The following PTPN12 variants were observed in gnomAD, a reference collection of about 807,000 sequenced individuals.
PTPN12 encodes the protein tyrosine-protein phosphatase non-receptor type 12.
PTPN12 carries 29 observed loss-of-function variants against 97.6 expected under a neutral mutation model. That is an observed-to-expected ratio of 0.30 (90% CI 0.22 to 0.41). The LOEUF is 0.41. PTPN12 is among the 10% of genes least tolerant of loss of function. The probability of loss-of-function intolerance (pLI) is 1.00; values close to 1 mark genes in which losing one functional copy is unlikely to be tolerated. For missense variants in PTPN12, 819 were observed against 926.0 expected, an observed-to-expected ratio of 0.88 and a Z score of 1.50; for synonymous variants, 327 against 300.4, an observed-to-expected ratio of 1.09 and a Z score of -0.91.
chr7:77,625,542 GCTCTCTCTCTCGCTCT>G (rs1789138785), intron 12 of PTPN12, among the ~76,000 whole-genome samples: 1 of 54,312 alleles, frequency 1.8e-5, no homozygotes, highest in Non-Finnish European at 3.3e-5. Context: ...TCTCACTCGC[GCTCTCTCTCTCGCTCT>G]CTCTCTCTTT....
chr7:77,586,727 C>T (rs967531870), intron 5 of PTPN12, among the ~76,000 whole-genome samples: 2 of 152,218 alleles, frequency 1.3e-5, no homozygotes, highest in African/African-American at 2.4e-5. Flanking sequence ...AAATTGGAGT[C>T]AGTCCTTTCA....
chr7:77,614,442 A>T (rs1413146130), intron 11 of PTPN12, among the ~76,000 whole-genome samples: 1 of 152,206 alleles, frequency 6.6e-6, no homozygotes, highest in Non-Finnish European at 1.5e-5. Flanking sequence ...AGGAGATGAG[A>T]TGAAATAATA....
At chr7:77,563,538 G>A (rs563898854) in intron 1 of PTPN12, among the ~76,000 whole-genome samples, 1 of 152,228 alleles carries the variant, frequency 6.6e-6, no homozygotes, top group East Asian at 1.9e-4. Flanking sequence ...TTTCTGTATT[G>A]GGCTAGTAAA....
intron 1 of PTPN12, among the ~76,000 whole-genome samples, chr7:77,556,317 C>T (rs1807710296): frequency 6.6e-6 from 1 of 152,114 alleles, no homozygotes; most frequent in Non-Finnish European, 1.5e-5. Flanking sequence ...CCTACCTCTG[C>T]CTCCCAAAGT....
At chr7:77,626,582 C>T (rs551586087) in intron 12 of PTPN12, 123 bp from the exon 13 acceptor site, 1 of 992,110 alleles carries the variant, frequency 1.0e-6, no homozygotes, top group African/African-American at 1.6e-5. Flanking sequence ...GTCTGAAAAA[C>T]TGCAGTTTTT....
intron 10 of PTPN12, 46 bp downstream of exon 10, chr7:77,610,888 TTTC>T (rs770081224): frequency 2.8e-5 from 45 of 1,582,372 alleles, no homozygotes; most frequent in African/African-American, 2.2e-4. Flanking sequence ...TTATAAATGC[TTTC>T]TTCTTTTTTA....
rs1474200394 is a variant in PTPN12, at chr7:77,594,375, A to G, written c.492+2119A>G. Among the ~76,000 whole-genome samples, 4 of 152,164 alleles carry G rather than the reference A, an allele frequency of 2.6e-5. No individual in the cohort carries two copies. The East Asian group carries it at 7.7e-4, about 29-fold the overall frequency. On this transcript the variant is annotated intron_variant, in intron 6 of 17. Coordinates refer to ENST00000248594, the MANE Select transcript of PTPN12 (RefSeq NM_002835.4). ...ATACCCAATACACACCACACTGTCT[A>G]CTTCAGTGGGGAAATACCAACCCTC... is the stretch of plus-strand genomic sequence containing the variant.
At chr7:77,620,320 A>G (rs1331556262) in intron 12 of PTPN12, among the ~76,000 whole-genome samples, 1 of 152,238 alleles carries the variant, frequency 6.6e-6, no homozygotes, top group Non-Finnish European at 1.5e-5. Context: ...ACAAAAAGAT[A>G]ATAAAGAAAA....
intron 12 of PTPN12, among the ~76,000 whole-genome samples, chr7:77,620,258 A>G (rs574829259): frequency 6.6e-6 from 1 of 152,370 alleles, no homozygotes; most frequent in Non-Finnish European, 1.5e-5. Context: ...CTGAATTTAA[A>G]GCCTTTTTCC....
chr7:77,550,556 A>G (rs957955327), intron 1 of PTPN12, among the ~76,000 whole-genome samples: 5 of 152,166 alleles, frequency 3.3e-5, no homozygotes, highest in African/African-American at 1.2e-4. Context: ...CTGAAGAGTA[A>G]TGAATGCCCT....
intron 4 of PTPN12, among the ~76,000 whole-genome samples, chr7:77,584,141 A>C (rs1787609813): frequency 6.6e-6 from 1 of 152,128 alleles, no homozygotes; most frequent in Non-Finnish European, 1.5e-5. Flanking sequence ...GAAGCAGAGA[A>C]ATTAGAATAC....
intron 1 of PTPN12, among the ~76,000 whole-genome samples, chr7:77,543,266 A>ATT (rs11409092): frequency 2.6e-4 from 39 of 150,370 alleles, no homozygotes; most frequent in South Asian, 6.3e-4. Flanking sequence ...GTGTCTTTCC[A>ATT]TTTTTTTTAA....
At chr7:77,561,412 G>A (rs1208332407) in intron 1 of PTPN12, among the ~76,000 whole-genome samples, 1 of 152,202 alleles carries the variant, frequency 6.6e-6, no homozygotes, top group African/African-American at 2.4e-5. Flanking sequence ...GGGTAATAAA[G>A]GGAAAAATGA....
intron 1 of PTPN12, among the ~76,000 whole-genome samples, chr7:77,543,535 A>G (rs1807082645): frequency 6.6e-6 from 1 of 152,176 alleles, no homozygotes; most frequent in African/African-American, 2.4e-5. Flanking sequence ...ATTGAGATAT[A>G]AGTACCTACC....
chr7:77,547,825 C>T (rs1327161835), intron 1 of PTPN12, among the ~76,000 whole-genome samples: 3 of 152,146 alleles, frequency 2.0e-5, no homozygotes, highest in Admixed American at 2.0e-4. Flanking sequence ...CTTTCAAAGA[C>T]TTGGAGATAA....
intron 8 of PTPN12, among the ~76,000 whole-genome samples, chr7:77,603,270 A>G (rs965781045): frequency 5.5e-4 from 84 of 152,382 alleles, no homozygotes; most frequent in African/African-American, 1.9e-3. Context: ...CTGTTCAATC[A>G]TAAATCCATT....
At chr7:77,634,208 A>G (rs2151407495) in intron 14 of PTPN12, among the ~76,000 whole-genome samples, 1 of 152,148 alleles carries the variant, frequency 6.6e-6, no homozygotes, top group African/African-American at 2.4e-5. Context: ...GGAAGAAAAA[A>G]AAAAGACCAC....
chr7:77,551,170 C>T (rs1439702018), intron 1 of PTPN12, among the ~76,000 whole-genome samples: 3 of 152,302 alleles, frequency 2.0e-5, no homozygotes, highest in South Asian at 4.1e-4. Context: ...AAGCGATTCT[C>T]CAGCCTCAGC....
chr7:77,581,620 T>C (rs978851672), intron 3 of PTPN12, 117 bp downstream of exon 3: 2 of 503,714 alleles, frequency 4.0e-6, no homozygotes, highest in African/African-American at 2.0e-5. Context: ...GAAATAAAAA[T>C]AAAGCCACTG....
Sources: gnomAD v4.1 joint callset for allele counts (sites outside exome capture counted in the v4.1 genomes callset) on GRCh38, gnomAD v4.1.1 for gene constraint, MANE v1.5 for transcripts, NCBI Gene and HGNC (gene_info 2026-07-23, HGNC 2026-07-21) for gene names.